APOO: variants seen among roughly 807,000 people sequenced by gnomAD.
The protein encoded by APOO is MICOS complex subunit MIC26.
APOO carries 11 observed loss-of-function variants against 23.1 expected under a neutral mutation model. The ratio of observed to expected loss-of-function variants is 0.48; its 90% CI spans 0.30 to 0.79. The LOEUF (loss-of-function observed/expected upper bound fraction) is 0.79. APOO is among the 30% of genes least tolerant of loss of function. The pLI is 0.07. For synonymous variants in APOO, 59 were observed against 54.8 expected (o/e 1.08, Z -0.34); for missense variants, 160 against 142.7 (o/e 1.12, Z -0.62).
chrX:23,868,669 T>C lies in APOO; in HGVS notation c.312A>G (p.Gln104=). Residue 104 remains glutamine (Q), a synonymous_variant, in exon 5 of 9, where the codon CAA becomes CAG. Coordinates refer to ENST00000379226, the MANE Select transcript of APOO (RefSeq NM_024122.5). Reference sequence around the variant, plus strand: ...TCGGAAAAAATCCAGGAGGTGCATTTTGGAGATAGTCATAGCTGTCTACAA... The same window carrying C: ...TCGGAAAAAATCCAGGAGGTGCATTCTGGAGATAGTCATAGCTGTCTACAA... ...QWGLDSYDYL[Q]NAPPGFFPRL... is the part of the protein sequence containing the mutation. 8.3e-7 allele frequency: 1 copy of C among 1,208,156 alleles called. No homozygotes were observed. The highest frequency in any genetic ancestry group is 1.7e-5 in the African/African-American group (1 of 57,636).
intron 7 of APOO, among the ~76,000 whole-genome samples, chrX:23,852,860 TA>T (rs1348346498): frequency 9.0e-6 from 1 of 110,758 alleles, no homozygotes. Flanking sequence ...TCTCCTTTAC[TA>T]GATTTTGAAT....
chrX:23,877,773 C>CAAAA (rs753379740), intron 3 of APOO, among the ~76,000 whole-genome samples: 1 of 46,235 alleles, frequency 2.2e-5, no homozygotes, highest in Admixed American at 2.5e-4. Flanking sequence ...GACTCCCTCT[C>CAAAA]AAAAAAAAAA....
chrX:23,893,790 T>G lies in APOO; in HGVS notation c.10-12838A>C, dbSNP rs989762721. Among the ~76,000 whole-genome samples, 16 of 110,526 alleles carry G rather than the reference T, an allele frequency of 1.4e-4. No homozygotes were observed. The Admixed American group carries it at 1.5e-3, about 10-fold the overall frequency. On this transcript the variant is annotated intron_variant, in intron 1 of 8. Transcript: ENST00000379226. ...TTTCTCCATGTTGGCCAGGCTGGTC[T>G]CGAACTCCTGATCTCAGGTGATCTG...
At chrX:23,868,286 G>A (rs746367509) in intron 5 of APOO, among the ~76,000 whole-genome samples, 8 of 112,023 alleles carry the variant, frequency 7.1e-5, no homozygotes, top group Non-Finnish European at 1.3e-4. Context: ...ATAGTGAAAC[G>A]TTTAGAAACA....
chrX:23,878,950 G>C lies in APOO; in HGVS notation c.202C>G (p.Arg68Gly). Residue 68 changes from arginine to glycine, a missense_variant, in exon 3 of 9, where the codon CGA becomes GGA. Transcript: ENST00000379226. ...GTTGTGTATGGCTCGCAATAGTGTCGGAGCTGTGAGATGCTTTCTTCAAGC... is the reference window on the plus strand; with the variant it reads ...GTTGTGTATGGCTCGCAATAGTGTCCGAGCTGTGAGATGCTTTCTTCAAGC... ...SQLEESISQL[R>G]HYCEPYTTWC... 8.3e-7 allele frequency: 1 copy of C among 1,210,921 alleles called. No individual in the cohort carries two copies. The highest frequency in any genetic ancestry group is 1.1e-6 in the Non-Finnish European group (1 of 895,076).
chrX:23,869,748 G>C (rs948725382), intron 4 of APOO, among the ~76,000 whole-genome samples: 2 of 107,296 alleles, frequency 1.9e-5, no homozygotes, highest in Admixed American at 1.0e-4. Flanking sequence ...TCAGGAGTTC[G>C]AGACCAGCCT....
chrX:23,893,683 C>T (rs1926773050), intron 1 of APOO, among the ~76,000 whole-genome samples: 1 of 110,866 alleles, frequency 9.0e-6, no homozygotes, highest in Non-Finnish European at 1.9e-5. Flanking sequence ...ATTCTCCAGC[C>T]TCAGCCTCCT....
intron 7 of APOO, among the ~76,000 whole-genome samples, chrX:23,843,891 C>T (rs1214238097): frequency 1.8e-5 from 2 of 112,064 alleles, no homozygotes; most frequent in Non-Finnish European, 3.8e-5. Flanking sequence ...GCACAAATGA[C>T]AATTTCTGCT....
At chrX:23,890,158 G>GA (rs1926590468) in intron 1 of APOO, among the ~76,000 whole-genome samples, 1 of 111,886 alleles carries the variant, frequency 8.9e-6, no homozygotes, top group Non-Finnish European at 1.9e-5. Context: ...AAAAACATTT[G>GA]AAAGTATAAA....
At chrX:23,848,391 T>C (rs990418568) in intron 7 of APOO, among the ~76,000 whole-genome samples, 9 of 110,292 alleles carry the variant, frequency 8.2e-5, no homozygotes, top group Non-Finnish European at 1.7e-4. Context: ...CTCGAACTCC[T>C]GACCTCAGGT....
intron 1 of APOO, 29 bp downstream of exon 1, chrX:23,907,665 A>G (rs1210725396): frequency 1.7e-6 from 2 of 1,150,455 alleles, no homozygotes; most frequent in Admixed American, 2.7e-5. Context: ...GGGGGCGGTG[A>G]CAGCTGTGAC....
Position 23,907,675 on chromosome X carries a change from C to A in APOO, c.9+19G>T. 1 of 1,156,431 alleles carries A rather than the reference C, an allele frequency of 8.6e-7. No homozygotes were observed. Among genetic ancestry groups the A allele is most frequent in the Non-Finnish European group, 1.2e-6 (1 of 868,695 alleles). On this transcript the variant is annotated intron_variant, in intron 1 of 8. Coordinates refer to ENST00000379226, the MANE Select transcript of APOO (RefSeq NM_024122.5). ...CGGGAGGGGGCGGTGACAGCTGTGA[C>A]TCGACTCCACGCTCTCACCTTGAAC...
chrX:23,895,917 C>T (rs765045610), intron 1 of APOO, among the ~76,000 whole-genome samples: 7 of 108,385 alleles, frequency 6.5e-5, no homozygotes, highest in South Asian at 4.1e-4. Flanking sequence ...ATGATTCCAC[C>T]GAGTTTTTTG....
intron 2 of APOO, among the ~76,000 whole-genome samples, chrX:23,880,072 T>TA (rs1197239466): frequency 1.8e-5 from 2 of 110,014 alleles, no homozygotes; most frequent in African/African-American, 6.6e-5. Context: ...TTTTTTTTTT[T>TA]AAATTTAGTA....
chrX:23,897,400 G>A (rs1926944664), intron 1 of APOO, among the ~76,000 whole-genome samples: 1 of 112,064 alleles, frequency 8.9e-6, no homozygotes, highest in African/African-American at 3.2e-5. Context: ...GGCTATACTG[G>A]TTTTAAAGAC....
intron 7 of APOO, among the ~76,000 whole-genome samples, chrX:23,841,587 C>A (rs980226715): frequency 9.2e-6 from 1 of 108,515 alleles, no homozygotes; most frequent in African/African-American, 3.4e-5. Flanking sequence ...CAAGGCCATA[C>A]GAACTGCTTG....
At chrX:23,905,187 G>A (rs1234396501) in intron 1 of APOO, among the ~76,000 whole-genome samples, 1 of 109,259 alleles carries the variant, frequency 9.2e-6, no homozygotes, top group Non-Finnish European at 1.9e-5. Context: ...AGGAGTTCGA[G>A]ACCAGCCTGG....
At chrX:23,841,320 T>C (rs995425209) in intron 7 of APOO, among the ~76,000 whole-genome samples, 3 of 109,570 alleles carry the variant, frequency 2.7e-5, no homozygotes, top group African/African-American at 1.0e-4. Flanking sequence ...TTTATACCCG[T>C]TGTCCCAACA....
intron 7 of APOO, among the ~76,000 whole-genome samples, chrX:23,841,665 G>A (rs1250719033): frequency 9.2e-6 from 1 of 108,957 alleles, no homozygotes; most frequent in African/African-American, 3.3e-5. Context: ...CTACAGGACT[G>A]AGAATCTGTG....
Sources: allele counts gnomAD v4.1 joint callset (sites outside exome capture counted in the v4.1 genomes callset), GRCh38; gene constraint gnomAD v4.1.1; transcripts MANE v1.5; gene names NCBI Gene and HGNC (gene_info 2026-07-23, HGNC 2026-07-21).